MAP3K15: variants seen among roughly 807,000 people sequenced by gnomAD.
MAP3K15 encodes MAPK/ERK kinase kinase 15.
A neutral mutation model predicts 99.5 loss-of-function variants in MAP3K15; 124 were observed. The observed-to-expected ratio is 1.25, with a 90% CI of 1.08 to 1.45. MAP3K15 has a LOEUF of 1.45. Among genes scored for constraint, MAP3K15 ranks in the 40% most tolerant of loss-of-function variants. MAP3K15 has a pLI of 0.00. For synonymous variants in MAP3K15, 494 were observed against 439.6 expected, an observed-to-expected ratio of 1.12 and a Z score of -1.55; for missense variants, 1,242 against 1,079.7, an observed-to-expected ratio of 1.15 and a Z score of -2.11.
At chrX:19,410,048 G>C (rs1366347232) in intron 11 of MAP3K15, 75 bp from the exon 12 acceptor site, 1 of 907,640 alleles carries the variant, frequency 1.1e-6, no homozygotes, top group Admixed American at 2.4e-5. Context: ...TCATTCTATG[G>C]TCAATCATTT....
chrX:19,463,960 C>T (rs972584474), intron 4 of MAP3K15, among the ~76,000 whole-genome samples: 1 of 110,609 alleles, frequency 9.0e-6, no homozygotes, highest in African/African-American at 3.3e-5. Context: ...AGAGACAGAA[C>T]AATCAGAGAG....
At chrX:19,424,103 A>C (rs1327970122) in intron 9 of MAP3K15, among the ~76,000 whole-genome samples, 1 of 110,014 alleles carries the variant, frequency 9.1e-6, no homozygotes, top group Non-Finnish European at 1.9e-5. Context: ...TGCTGATTTT[A>C]ATCTGTATCC....
At position 19,494,493 on chromosome X, in the gene MAP3K15, T is replaced by A. The variant is rs1415160273; in HGVS notation, c.362-5526A>T. ...AGAAAGATGATGCATAGGACTTTAG[T>A]TCGTTGAAAACTTTTGAACACTATC... is the stretch of plus-strand genomic sequence containing the variant. On this transcript the variant is annotated intron_variant, in intron 1 of 28. Coordinates refer to ENST00000338883, the MANE Select transcript of MAP3K15 (RefSeq NM_001001671.4). Among the ~76,000 whole-genome samples, 3 of 112,020 alleles carry A rather than the reference T, an allele frequency of 2.7e-5. No individual in the cohort carries two copies. In the Admixed American group the frequency reaches 2.9e-4, roughly 11 times the overall value.
intron 6 of MAP3K15, among the ~76,000 whole-genome samples, chrX:19,432,759 A>G (rs967873668): frequency 9.7e-6 from 1 of 102,974 alleles, no homozygotes; most frequent in African/African-American, 3.6e-5. Context: ...TTTGTCGCCC[A>G]GGCTGGAGTG....
intron 24 of MAP3K15, among the ~76,000 whole-genome samples, chrX:19,369,787 G>A (rs1347415444): frequency 9.0e-6 from 1 of 111,062 alleles, no homozygotes; most frequent in Non-Finnish European, 1.9e-5. Flanking sequence ...GCGCGCACCT[G>A]TAGCCCCAGC....
intron 25 of MAP3K15, among the ~76,000 whole-genome samples, chrX:19,365,049 C>CA (rs771227319): frequency 9.2e-6 from 1 of 109,238 alleles, no homozygotes; most frequent in African/African-American, 3.3e-5. Flanking sequence ...ACTAAAAATA[C>CA]AAAAATCAGC....
intron 20 of MAP3K15, among the ~76,000 whole-genome samples, chrX:19,373,934 G>A (rs2063399500): frequency 9.0e-6 from 1 of 111,354 alleles, no homozygotes; most frequent in Non-Finnish European, 1.9e-5. Context: ...GACCCCGATC[G>A]GTACCAGGGA....
intron 2 of MAP3K15, among the ~76,000 whole-genome samples, chrX:19,488,270 A>T (rs957972031): frequency 8.9e-6 from 1 of 112,208 alleles, no homozygotes; most frequent in African/African-American, 3.2e-5. Context: ...GCAAAAATAC[A>T]TTTTAGAAAT....
At chrX:19,473,273 G>A (rs1048077842) in intron 3 of MAP3K15, among the ~76,000 whole-genome samples, 8 of 112,097 alleles carry the variant, frequency 7.1e-5, no homozygotes, top group African/African-American at 2.6e-4. Context: ...GGAATTAATA[G>A]ACTTCCAAGT....
intron 26 of MAP3K15, 157 bp from the exon 27 acceptor site, chrX:19,361,750 T>G: frequency 7.9e-6 from 3 of 378,833 alleles, no homozygotes; most frequent in South Asian, 5.4e-5. Flanking sequence ...TATTACACAA[T>G]TCATAATTCT....
At chrX:19,422,839 T>C (rs752069730) in intron 9 of MAP3K15, among the ~76,000 whole-genome samples, 9 of 111,525 alleles carry the variant, frequency 8.1e-5, no homozygotes, top group African/African-American at 2.9e-4. Context: ...CATGGAATAC[T>C]ATACAGCCAT....
chrX:19,447,883 CAAAAAA>C (rs753152404), intron 6 of MAP3K15, among the ~76,000 whole-genome samples: 2 of 25,967 alleles, frequency 7.7e-5, no homozygotes, highest in African/African-American at 2.4e-4. Flanking sequence ...GACTCCGTCT[CAAAAAA>C]AAAAAAAAAA....
intron 10 of MAP3K15, among the ~76,000 whole-genome samples, chrX:19,413,800 G>C (rs1453194369): frequency 4.8e-5 from 5 of 104,673 alleles, no homozygotes; most frequent in African/African-American, 1.8e-4. Flanking sequence ...AGGAGGAGGA[G>C]AGTGGGGAGA....
chrX:19,471,832 T>G (rs1798995964), intron 3 of MAP3K15, among the ~76,000 whole-genome samples: 1 of 112,203 alleles, frequency 8.9e-6, no homozygotes, highest in Non-Finnish European at 1.9e-5. Context: ...GCCAAGAATT[T>G]TATATCCACT....
At chrX:19,398,406 G>A (rs931412408) in intron 14 of MAP3K15, 47 bp from the exon 15 acceptor site, 28 of 1,189,266 alleles carry the variant, frequency 2.4e-5, no homozygotes, top group Admixed American at 4.5e-5. Flanking sequence ...AACTTGTAGC[G>A]GAGAAGCCCT....
chrX:19,507,190 A>G (rs1602358914), intron 1 of MAP3K15, among the ~76,000 whole-genome samples: 1 of 112,008 alleles, frequency 8.9e-6, no homozygotes, highest in Non-Finnish European at 1.9e-5. Context: ...TGAAGACAAA[A>G]GCATTGTATT....
At chrX:19,428,579 G>C (rs1386124383) in intron 7 of MAP3K15, among the ~76,000 whole-genome samples, 1 of 112,235 alleles carries the variant, frequency 8.9e-6, no homozygotes, top group Non-Finnish European at 1.9e-5. Flanking sequence ...GCAAGAATAT[G>C]GTATCTTAAA....
rs1196741636 is a variant in MAP3K15 at position 19,502,107 on chromosome X, G to A, written c.361+12794C>T. ...TAATCACAATTGTTTTGCCTGTGAGGAAAGAAAACCTCAGCATACAAAAGC... is the reference window on the plus strand; with the variant it reads ...TAATCACAATTGTTTTGCCTGTGAGAAAAGAAAACCTCAGCATACAAAAGC... On this transcript the variant is annotated intron_variant, in intron 1 of 28. Coordinates refer to ENST00000338883, the MANE Select transcript of MAP3K15 (RefSeq NM_001001671.4). 3.6e-5 allele frequency among the ~76,000 whole-genome samples: 4 copies of A among 110,153 alleles called. No homozygotes were observed. The East Asian group carries it at 1.2e-3, about 32-fold the overall frequency.
intron 6 of MAP3K15, among the ~76,000 whole-genome samples, chrX:19,435,490 G>C (rs1018494645): frequency 9.0e-6 from 1 of 111,290 alleles, no homozygotes; most frequent in Non-Finnish European, 1.9e-5. Context: ...TTAGTTTTTT[G>C]GACCAGTTAC....
Sources: gnomAD v4.1 joint callset for allele counts (sites outside exome capture counted in the v4.1 genomes callset) on GRCh38, gnomAD v4.1.1 for gene constraint, MANE v1.5 for transcripts, NCBI Gene and HGNC (gene_info 2026-07-23, HGNC 2026-07-21) for gene names.